ESR1: variants seen among roughly 807,000 people sequenced by gnomAD.
The protein encoded by ESR1 is estrogen receptor 1.
A neutral mutation model predicts 52.7 loss-of-function variants in ESR1; 12 were observed. The observed-to-expected ratio is 0.23, with a 90% CI of 0.15 to 0.37. The LOEUF (loss-of-function observed/expected upper bound fraction) is 0.37. ESR1 is among the 10% of genes least tolerant of loss of function. The pLI, the probability that ESR1 is intolerant of heterozygous loss-of-function variation, is 1.00. For synonymous variants in ESR1, 305 were observed against 316.8 expected (o/e 0.96, Z 0.39); for missense variants, 584 against 779.7 (o/e 0.75, Z 2.99).
chr6:151,820,480 T>G (rs911957813), intron 1 of ESR1, among the ~76,000 whole-genome samples: 1 of 152,172 alleles, frequency 6.6e-6, no homozygotes. Flanking sequence ...ATTCTCATTT[T>G]ATGGGACGTA....
intron 4 of ESR1, among the ~76,000 whole-genome samples, chr6:151,964,156 C>A (rs554228548): frequency 3.1e-4 from 47 of 152,112 alleles, no homozygotes; most frequent in Middle Eastern, 6.8e-3. Flanking sequence ...TAATTGGGGT[C>A]TTTTGTGGTT....
intron 1 of ESR1, among the ~76,000 whole-genome samples, chr6:151,824,876 GCACCA>G (rs1448006049): frequency 7.3e-5 from 11 of 151,002 alleles, no homozygotes; most frequent in Admixed American, 7.3e-4. Context: ...AGCCAAGCTT[GCACCA>G]CTGCACTCCA....
chr6:152,006,380 A>AT (rs1006715454), intron 4 of ESR1, among the ~76,000 whole-genome samples: 62 of 148,900 alleles, frequency 4.2e-4, no homozygotes, highest in Middle Eastern at 3.5e-3. Flanking sequence ...GAGTCCAAAC[A>AT]TTTTTTTTTT....
At chr6:151,743,352 T>C (rs3020305) in intron 2 of ESR1, among the ~76,000 whole-genome samples, 89,447 of 152,020 alleles carry the variant, frequency 0.59, 27,059 homozygotes, top group African/African-American at 0.68. Flanking sequence ...CTGATGTGCC[T>C]CAGCAATTTC....
chr6:151,874,907 A>G (rs1016891749), intron 2 of ESR1, among the ~76,000 whole-genome samples: 1 of 152,228 alleles, frequency 6.6e-6, no homozygotes, highest in Admixed American at 6.5e-5. Context: ...AAAAAGTTAA[A>G]ACACACTATG....
At chr6:151,733,176 C>T (rs1238878699) in intron 2 of ESR1, among the ~76,000 whole-genome samples, 1 of 152,172 alleles carries the variant, frequency 6.6e-6, no homozygotes, top group African/African-American at 2.4e-5. Context: ...TCCCATTTTA[C>T]AGTTGAGGAA....
At chr6:151,747,553 A>T (rs1562374746) in intron 2 of ESR1, among the ~76,000 whole-genome samples, 1 of 151,818 alleles carries the variant, frequency 6.6e-6, no homozygotes, top group East Asian at 1.9e-4. Flanking sequence ...TCTAAAAACT[A>T]TTTTTTTTCC....
chr6:152,116,000 C>G (rs901491091), intron 6 of ESR1, among the ~76,000 whole-genome samples: 6 of 152,084 alleles, frequency 3.9e-5, no homozygotes, highest in African/African-American at 1.2e-4. Context: ...CTGAGAGAGT[C>G]TAATGTACAG....
At chr6:151,725,315 G>A (rs1299620104) in intron 2 of ESR1, among the ~76,000 whole-genome samples, 1 of 152,186 alleles carries the variant, frequency 6.6e-6, no homozygotes, top group Non-Finnish European at 1.5e-5. Flanking sequence ...AGGTCATGTG[G>A]TTGTGGGGGG....
downstream of ESR1, chr6:152,103,371 G>A (rs899063582): frequency 1.4e-4 from 23 of 164,720 alleles, no homozygotes; most frequent in African/African-American, 5.3e-4. Flanking sequence ...CACACACAGT[G>A]AGTCTGAATG....
At chr6:152,124,354 C>T (rs1018933361) in intron 6 of ESR1, among the ~76,000 whole-genome samples, 3 of 152,158 alleles carry the variant, frequency 2.0e-5, no homozygotes, top group Non-Finnish European at 2.9e-5. Flanking sequence ...ACAGGCAGCA[C>T]GCAGTGTTTC....
intron 6 of ESR1, among the ~76,000 whole-genome samples, chr6:152,087,707 A>G (rs1268585447): frequency 6.6e-6 from 1 of 152,224 alleles, no homozygotes; most frequent in Non-Finnish European, 1.5e-5. Flanking sequence ...TCTTAAAGTC[A>G]TTGTAGCATT....
In ESR1 at chr6:151,810,060, A is replaced by C. The variant is rs1203033763; in HGVS notation, c.452+1696A>C. ...TTGCAAATTAATGCTGCTGAATTTC[A>C]ATGGGCACTAATGAGACTGCTCCTT... On this transcript the variant is annotated intron_variant, in intron 1 of 7. Transcript: ENST00000206249. Among the ~76,000 whole-genome samples the C allele has an allele frequency of 3.9e-5, 6 of 152,248 alleles. No homozygotes were observed. In the East Asian group the frequency reaches 1.2e-3, roughly 29 times the overall value.
chr6:151,922,396 A>G (rs2031873672), intron 3 of ESR1, among the ~76,000 whole-genome samples: 2 of 152,220 alleles, frequency 1.3e-5, no homozygotes, highest in African/African-American at 4.8e-5. Context: ...GAGTAGCTCT[A>G]TAAATTATTT....
chr6:151,924,643 G>A (rs538382243), intron 3 of ESR1, among the ~76,000 whole-genome samples: 8 of 151,972 alleles, frequency 5.3e-5, no homozygotes, highest in African/African-American at 1.9e-4. Flanking sequence ...TATGCCCATT[G>A]GTTCTCATTA....
At chr6:152,016,392 T>C (rs1328102030) in intron 5 of ESR1, among the ~76,000 whole-genome samples, 1 of 152,134 alleles carries the variant, frequency 6.6e-6, no homozygotes, top group Non-Finnish European at 1.5e-5. Flanking sequence ...ATTAAAAATA[T>C]GGTCTATAAT....
chr6:151,706,398 A>G (rs1025425596), intron 2 of ESR1, among the ~76,000 whole-genome samples: 5 of 152,150 alleles, frequency 3.3e-5, no homozygotes, highest in Admixed American at 2.6e-4. Context: ...TTTCTGTTTA[A>G]CTTTCTTCAA....
At chr6:152,012,715 T>G (rs2042879308) in intron 5 of ESR1, among the ~76,000 whole-genome samples, 1 of 152,190 alleles carries the variant, frequency 6.6e-6, no homozygotes, top group Non-Finnish European at 1.5e-5. Context: ...GCCATAGCAT[T>G]CTGTTTTCCA....
chr6:152,002,037 T>C (rs1291031839), intron 4 of ESR1, among the ~76,000 whole-genome samples: 4 of 152,020 alleles, frequency 2.6e-5, no homozygotes, highest in African/African-American at 4.8e-5. Flanking sequence ...TTTCTGGCAA[T>C]TTTACCTTGT....
Sources: gnomAD v4.1 joint callset for allele counts (sites outside exome capture counted in the v4.1 genomes callset) on GRCh38, gnomAD v4.1.1 for gene constraint, MANE v1.5 for transcripts, NCBI Gene and HGNC (gene_info 2026-07-23, HGNC 2026-07-21) for gene names.